The following MALRD1 variants were observed in gnomAD, a reference collection of about 807,000 sequenced individuals.
MALRD1 encodes the protein MAM and LDL receptor class A domain containing 1.
A neutral mutation model predicts 242.1 loss-of-function variants in MALRD1; 247 were observed. The observed-to-expected ratio is 1.02, with a 90% CI of 0.92 to 1.13. The LOEUF is 1.13. MALRD1 is among the 50% of genes most tolerant of loss of function. MALRD1 has a pLI of 0.00. For synonymous variants in MALRD1, 995 were observed against 866.6 expected, an observed-to-expected ratio of 1.15 and a Z score of -2.60; for missense variants, 2,989 against 2,533.1, an observed-to-expected ratio of 1.18 and a Z score of -3.86.
At chr10:19,492,067 C>A (rs534532955) in intron 30 of MALRD1, among the ~76,000 whole-genome samples, 14 of 148,566 alleles carry the variant, frequency 9.4e-5, no homozygotes, top group African/African-American at 3.5e-4. Context: ...TTAATAAATA[C>A]CAGTTTAGTA....
intron 5 of MALRD1, among the ~76,000 whole-genome samples, chr10:19,113,800 C>T (rs1836768972): frequency 7.2e-6 from 1 of 138,202 alleles, no homozygotes. Context: ...CCTACACACA[C>T]ACACACACAC....
chr10:19,264,048 A>C (rs947406937), intron 19 of MALRD1, among the ~76,000 whole-genome samples: 2 of 152,184 alleles, frequency 1.3e-5, no homozygotes, highest in Non-Finnish European at 2.9e-5. Context: ...GCTTTTACCC[A>C]CATCCTCCCA....
chr10:19,347,849 A>T lies in MALRD1; in HGVS notation c.3980A>T (p.Asn1327Ile). The T allele has an allele frequency of 1.9e-6, 3 of 1,550,412 alleles. No homozygotes were observed. The highest frequency in any genetic ancestry group is 2.6e-6 in the Non-Finnish European group (3 of 1,146,844). Residue 1327 changes from asparagine (N) to isoleucine (I), a missense_variant, in exon 25 of 40, where the codon AAC (asparagine) becomes ATC (isoleucine). Physicochemically the swap from Asn to Ile is moderately radical, Grantham distance 149. Transcript: ENST00000454679. ...GAGAAAGATGAGGACTTTGACTGGA[A>T]CCTGAAAGCTAGCAGCATCCCTGCA... ...KQEKDEDFDWNLKASSIPAAG... is the reference protein window; with the variant it reads ...KQEKDEDFDWILKASSIPAAG...
intron 18 of MALRD1, among the ~76,000 whole-genome samples, chr10:19,247,167 G>GT (rs947724846): frequency 2.0e-5 from 3 of 151,922 alleles, no homozygotes; most frequent in South Asian, 2.1e-4. Flanking sequence ...TGCAAATGGA[G>GT]TTTTTTTAAA....
chr10:19,171,447 TATATATATATAC>T (rs1564439999), intron 13 of MALRD1, among the ~76,000 whole-genome samples: 15 of 111,340 alleles, frequency 1.3e-4, no homozygotes, highest in Middle Eastern at 4.8e-3. Flanking sequence ...TATATATATA[TATATATATATAC>T]ACACATGTAT....
At chr10:19,546,840 G>C (rs780817899) in intron 32 of MALRD1, among the ~76,000 whole-genome samples, 147 of 152,158 alleles carry the variant, frequency 9.7e-4, no homozygotes, top group Admixed American at 2.3e-3. Context: ...TGTCTTTCCA[G>C]TGGAACATTT....
intron 19 of MALRD1, among the ~76,000 whole-genome samples, chr10:19,279,454 A>G (rs931688732): frequency 1.2e-4 from 19 of 152,218 alleles, no homozygotes; most frequent in Non-Finnish European, 2.5e-4. Flanking sequence ...TGGCACAGAC[A>G]TGTTATCAAT....
chr10:19,568,843 A>AT (rs796253044), intron 33 of MALRD1, among the ~76,000 whole-genome samples: 19 of 151,958 alleles, frequency 1.3e-4, no homozygotes, highest in African/African-American at 4.6e-4. Flanking sequence ...CTATTTCTTA[A>AT]TTTTTTCACA....
intron 28 of MALRD1, among the ~76,000 whole-genome samples, chr10:19,412,285 G>A (rs960307739): frequency 1.3e-5 from 2 of 152,058 alleles, no homozygotes; most frequent in Non-Finnish European, 2.9e-5. Flanking sequence ...AGCGAAACTC[G>A]GTCTCAAATA....
At chr10:19,112,789 T>C (rs1350231269) in intron 5 of MALRD1, among the ~76,000 whole-genome samples, 3 of 152,196 alleles carry the variant, frequency 2.0e-5, no homozygotes, top group Non-Finnish European at 1.5e-5. Context: ...ATGAGTGGAA[T>C]AAGCAAATAT....
intron 32 of MALRD1, among the ~76,000 whole-genome samples, chr10:19,537,649 T>C: frequency 6.6e-6 from 1 of 152,184 alleles, no homozygotes; most frequent in East Asian, 1.9e-4. Flanking sequence ...ATGGGAAACT[T>C]ATTTTATTTT....
At chr10:19,427,712 A>T (rs570668486) in intron 28 of MALRD1, among the ~76,000 whole-genome samples, 2 of 152,170 alleles carry the variant, frequency 1.3e-5, no homozygotes, top group African/African-American at 4.8e-5. Flanking sequence ...GGCGTTATAT[A>T]GACTGTGTGT....
intron 29 of MALRD1, among the ~76,000 whole-genome samples, chr10:19,472,796 T>C (rs1836559759): frequency 6.6e-6 from 1 of 151,788 alleles, no homozygotes; most frequent in Admixed American, 6.6e-5. Flanking sequence ...TAAGTCTAGC[T>C]AAAGGTTTAT....
intron 25 of MALRD1, among the ~76,000 whole-genome samples, 152 bp from the exon 26 acceptor site, chr10:19,351,854 G>A (rs928598406): frequency 4.6e-5 from 7 of 152,136 alleles, no homozygotes; most frequent in Non-Finnish European, 8.8e-5. Context: ...TTCACTCAGT[G>A]TTAAAGTGCA....
intron 33 of MALRD1, among the ~76,000 whole-genome samples, chr10:19,586,727 G>A (rs867869683): frequency 5.9e-5 from 9 of 152,252 alleles, no homozygotes; most frequent in African/African-American, 2.2e-4. Context: ...AGGCCCGCAG[G>A]CCTCCTTGAG....
At chr10:19,440,034 T>A (rs1326059443) in intron 28 of MALRD1, among the ~76,000 whole-genome samples, 1 of 152,198 alleles carries the variant, frequency 6.6e-6, no homozygotes, top group Non-Finnish European at 1.5e-5. Flanking sequence ...TGGGGCGTAC[T>A]CATCACACTT....
At chr10:19,286,362 C>T (rs995496177) in intron 21 of MALRD1, among the ~76,000 whole-genome samples, 5 of 149,114 alleles carry the variant, frequency 3.4e-5, no homozygotes, top group South Asian at 2.2e-4. Context: ...CCAGTTTTTG[C>T]CCATTCAGTA....
chr10:19,286,869 AAAG>A (rs1198427928), intron 21 of MALRD1, among the ~76,000 whole-genome samples: 2 of 150,726 alleles, frequency 1.3e-5, no homozygotes, highest in Non-Finnish European at 3.0e-5. Flanking sequence ...CACAACCAAA[AAAG>A]AGAATTTTAG....
At position 19,431,311 on chromosome 10, in the gene MALRD1, C is replaced by CT. The variant is rs564224735; in HGVS notation, c.4846-18988dup. 2.1e-3 allele frequency among the ~76,000 whole-genome samples: 324 copies of CT among 151,872 alleles called. 2 individuals carry two copies. The highest frequency in any genetic ancestry group is 7.1e-3 in the African/African-American group (295 of 41,368). On this transcript the variant is annotated intron_variant, in intron 28 of 39. Transcript: ENST00000454679. Reference sequence around the variant, plus strand: ...AGGTTCATTTTTTAGGTTTATACTTCTTTTTTTTCAGTATATCTTTCTAAT... The same window carrying CT: ...AGGTTCATTTTTTAGGTTTATACTTCTTTTTTTTTCAGTATATCTTTCTAAT...
Sources: allele counts gnomAD v4.1 joint callset (sites outside exome capture counted in the v4.1 genomes callset), GRCh38; gene constraint gnomAD v4.1.1; transcripts MANE v1.5; gene names NCBI Gene and HGNC (gene_info 2026-07-23, HGNC 2026-07-21).